DEUP1: variants seen among roughly 807,000 people sequenced by gnomAD.
The protein encoded by DEUP1 is coiled-coil domain containing 67.
In DEUP1, 82 loss-of-function variants were observed where a neutral mutation model predicts 87.4. That is an observed-to-expected ratio of 0.94 (90% CI 0.78 to 1.13). DEUP1 has a LOEUF of 1.13. Ranked by LOEUF, DEUP1 falls within the 50% of genes most tolerant of loss-of-function variation. DEUP1 has a pLI of 0.00. For synonymous variants in DEUP1, 214 were observed against 222.7 expected (o/e 0.96, Z 0.35); for missense variants, 663 against 681.5 (o/e 0.97, Z 0.30).
intron 7 of DEUP1, among the ~76,000 whole-genome samples, chr11:93,380,093 C>A (rs1412905632): frequency 6.6e-6 from 1 of 152,150 alleles, no homozygotes; most frequent in Non-Finnish European, 1.5e-5. Context: ...AGGAGTGTGA[C>A]CAGCATCTAG....
intron 9 of DEUP1, among the ~76,000 whole-genome samples, chr11:93,392,650 T>C (rs1157748133): frequency 1.3e-5 from 2 of 150,206 alleles, no homozygotes; most frequent in Non-Finnish European, 3.0e-5. Flanking sequence ...ACAGACATTG[T>C]AATAACATTC....
chr11:93,432,000 G>A (rs1297568400), intron 13 of DEUP1, among the ~76,000 whole-genome samples: 1 of 152,188 alleles, frequency 6.6e-6, no homozygotes, highest in Non-Finnish European at 1.5e-5. Flanking sequence ...TAGGATATGT[G>A]AATCTGATAT....
At chr11:93,342,081 T>A (rs748638425) in intron 2 of DEUP1, among the ~76,000 whole-genome samples, 2 of 152,198 alleles carry the variant, frequency 1.3e-5, no homozygotes, top group Non-Finnish European at 2.9e-5. Context: ...CCTCTCCATA[T>A]CAAGATTCTT....
chr11:93,373,492 T>G (rs1945840061), intron 7 of DEUP1, among the ~76,000 whole-genome samples: 1 of 151,502 alleles, frequency 6.6e-6, no homozygotes, highest in Admixed American at 6.6e-5. Flanking sequence ...GTTACTTCAC[T>G]TAGAATAATG....
Position 93,414,386 on chromosome 11 carries a change from G to T in DEUP1, c.1524-614G>T, listed in dbSNP as rs952773030. Among the ~76,000 whole-genome samples, 5 of 151,988 alleles carry T rather than the reference G, an allele frequency of 3.3e-5. No individual in the cohort carries two copies. The East Asian group carries it at 9.7e-4, about 29-fold the overall frequency. ...AAATTACCCTGGCGTGGTGGCGGGC[G>T]CCTATAATCCCAGCTACTCAGGAGA... On this transcript the variant is annotated intron_variant, in intron 12 of 13. Transcript: ENST00000298050.
At chr11:93,350,254 G>A (rs548209271) in intron 2 of DEUP1, among the ~76,000 whole-genome samples, 1 of 152,236 alleles carries the variant, frequency 6.6e-6, no homozygotes, top group South Asian at 2.1e-4. Context: ...ATTGAACACT[G>A]ACAAAAGAAG....
At chr11:93,419,846 CA>C (rs1316747658) in intron 13 of DEUP1, among the ~76,000 whole-genome samples, 7 of 146,238 alleles carry the variant, frequency 4.8e-5, no homozygotes, top group South Asian at 2.2e-4. Context: ...AAAACACCTT[CA>C]AAAAAATAAT....
At chr11:93,385,147 G>A (rs892726497) in intron 7 of DEUP1, among the ~76,000 whole-genome samples, 2 of 152,084 alleles carry the variant, frequency 1.3e-5, no homozygotes, top group South Asian at 4.1e-4. Context: ...GGTTGAACCC[G>A]GGAGGCAGTC....
intron 11 of DEUP1, among the ~76,000 whole-genome samples, chr11:93,407,411 G>A (rs2134413839): frequency 6.6e-6 from 1 of 152,214 alleles, no homozygotes; most frequent in East Asian, 1.9e-4. Flanking sequence ...ATCACATGAT[G>A]AAATCAGCTG....
chr11:93,330,448 C>A (rs1451916233), upstream of DEUP1, among the ~76,000 whole-genome samples: 3 of 152,214 alleles, frequency 2.0e-5, no homozygotes, highest in African/African-American at 7.2e-5. Context: ...AACTGCGGGA[C>A]AGCGAGGTCG....
chr11:93,371,778 GA>G (rs1377182977), intron 7 of DEUP1, among the ~76,000 whole-genome samples: 1 of 151,978 alleles, frequency 6.6e-6, no homozygotes, highest in African/African-American at 2.4e-5. Flanking sequence ...CTTTCACATT[GA>G]CAAATATGAT....
At chr11:93,350,411 A>G (rs1423046221) in intron 2 of DEUP1, among the ~76,000 whole-genome samples, 1 of 152,196 alleles carries the variant, frequency 6.6e-6, no homozygotes, top group Non-Finnish European at 1.5e-5. Flanking sequence ...AAGTTCTTCA[A>G]TATAAAAAAA....
chr11:93,352,497 C>T, intron 2 of DEUP1: 1 of 658,342 alleles, frequency 1.5e-6, no homozygotes, highest in Non-Finnish European at 2.8e-6. Flanking sequence ...AATAAACCCT[C>T]CTGGACCCAA....
At chr11:93,381,851 A>G (rs1007416399) in intron 7 of DEUP1, among the ~76,000 whole-genome samples, 3 of 152,178 alleles carry the variant, frequency 2.0e-5, no homozygotes, top group Non-Finnish European at 4.4e-5. Context: ...AACCCACTAT[A>G]TATCCAAAAT....
chr11:93,390,199 C>A (rs1946724497), intron 9 of DEUP1, among the ~76,000 whole-genome samples: 1 of 152,204 alleles, frequency 6.6e-6, no homozygotes, highest in Non-Finnish European at 1.5e-5. Flanking sequence ...TAGTGCTTGA[C>A]ACACAGTAAA....
chr11:93,436,382 G>A (rs1305042729), intron 13 of DEUP1, among the ~76,000 whole-genome samples: 1 of 152,156 alleles, frequency 6.6e-6, no homozygotes, highest in Admixed American at 6.5e-5. Context: ...CAAAACCATG[G>A]ATATATATTG....
intron 10 of DEUP1, 137 bp downstream of exon 10, chr11:93,394,793 G>A (rs1486513966): frequency 3.1e-6 from 2 of 654,484 alleles, no homozygotes. Flanking sequence ...AATGCTTTGT[G>A]GTGTTACATA....
At chr11:93,354,122 G>A (rs1944768563) in intron 2 of DEUP1, among the ~76,000 whole-genome samples, 1 of 152,144 alleles carries the variant, frequency 6.6e-6, no homozygotes, top group Non-Finnish European at 1.5e-5. Flanking sequence ...CCTCTTGAAT[G>A]CTTTGCTGCT....
intron 2 of DEUP1, among the ~76,000 whole-genome samples, chr11:93,343,990 C>T (rs1474786237): frequency 6.6e-6 from 1 of 152,074 alleles, no homozygotes; most frequent in Admixed American, 6.6e-5. Flanking sequence ...TTAGCAAACA[C>T]TAATGATGAC....
Sources: allele counts gnomAD v4.1 joint callset (sites outside exome capture counted in the v4.1 genomes callset), GRCh38; gene constraint gnomAD v4.1.1; transcripts MANE v1.5; gene names NCBI Gene and HGNC (gene_info 2026-07-23, HGNC 2026-07-21).